The following CTNNA2 variants were observed in gnomAD, a reference collection of about 807,000 sequenced individuals.
CTNNA2 encodes catenin alpha 2.
A neutral mutation model predicts 101.0 loss-of-function variants in CTNNA2; 42 were observed. That is an observed-to-expected ratio of 0.42 (90% CI 0.32 to 0.54). CTNNA2 has a LOEUF of 0.54. Ranked by LOEUF, CTNNA2 falls within the 20% of genes least tolerant of loss-of-function variation. The probability of loss-of-function intolerance (pLI) is 0.14; values close to 1 mark genes in which losing one functional copy is unlikely to be tolerated. For synonymous variants in CTNNA2, 450 were observed against 456.4 expected, an observed-to-expected ratio of 0.99 and a Z score of 0.18; for missense variants, 871 against 1,223.1, an observed-to-expected ratio of 0.71 and a Z score of 4.29.
In CTNNA2 at chr2:80,536,602, A is replaced by G. The variant is rs76211827; in HGVS notation, c.1291-8380A>G. Reference sequence around the variant, plus strand: ...CACAAATATTAAAAAATGTAATTTGATTTCCGAGGCCAGAAAAAGGGAAAA... The same window carrying G: ...CACAAATATTAAAAAATGTAATTTGGTTTCCGAGGCCAGAAAAAGGGAAAA... On this transcript the variant is annotated intron_variant, in intron 9 of 18. Coordinates refer to ENST00000402739, the MANE Select transcript of CTNNA2 (RefSeq NM_001282597.3). Among the ~76,000 whole-genome samples the G allele has an allele frequency of 5.3e-3, 808 of 152,310 alleles. 6 individuals are homozygous for G. The highest frequency in any genetic ancestry group is 0.018 in the African/African-American group (765 of 41,570).
chr2:80,413,192 C>A (rs1227893760), intron 8 of CTNNA2, among the ~76,000 whole-genome samples: 3 of 152,102 alleles, frequency 2.0e-5, no homozygotes, highest in African/African-American at 7.2e-5. Flanking sequence ...ATAAGTGTTG[C>A]TAATGATGAC....
chr2:79,589,391 C>T (rs1049743072), intron 1 of CTNNA2, among the ~76,000 whole-genome samples: 1 of 152,082 alleles, frequency 6.6e-6, no homozygotes, highest in Non-Finnish European at 1.5e-5. Context: ...TTACAATACC[C>T]ACTGGCTTAT....
intron 7 of CTNNA2, among the ~76,000 whole-genome samples, chr2:79,991,852 T>C (rs990276588): frequency 3.9e-5 from 6 of 152,164 alleles, no homozygotes; most frequent in Non-Finnish European, 7.4e-5. Context: ...GTCTGCTTGT[T>C]GATTACGACT....
chr2:79,753,565 G>C (rs1672187351), intron 3 of CTNNA2, among the ~76,000 whole-genome samples: 1 of 152,112 alleles, frequency 6.6e-6, no homozygotes, highest in Non-Finnish European at 1.5e-5. Context: ...ATTGCCCACT[G>C]TCTGTCTGAG....
At chr2:80,620,329 A>C (rs1573478159) in intron 18 of CTNNA2, among the ~76,000 whole-genome samples, 1 of 91,766 alleles carries the variant, frequency 1.1e-5, no homozygotes, top group Non-Finnish European at 1.9e-5. Flanking sequence ...GTTTCGGTTT[A>C]AAAATGAAGA....
Position 80,215,578 on chromosome 2 carries a change from A to G in CTNNA2, c.1057-177633A>G, listed in dbSNP as rs141528128. On this transcript the variant is annotated intron_variant, in intron 7 of 18. Transcript: ENST00000402739. ...ACCAGCTGAGGCTGCAGAACAGCAA[A>G]TATTGCAGAATGGCAAATGTTGCTG... Among the ~76,000 whole-genome samples the G allele has an allele frequency of 4.6e-3, 698 of 152,288 alleles. 4 individuals are homozygous for G. The highest frequency in any genetic ancestry group is 0.016 in the African/African-American group (658 of 41,564).
intron 7 of CTNNA2, among the ~76,000 whole-genome samples, chr2:80,081,559 T>C (rs1414966746): frequency 7.3e-6 from 1 of 136,322 alleles, no homozygotes; most frequent in African/African-American, 2.7e-5. Flanking sequence ...AATCTCAAAC[T>C]CCAATGAACT....
At chr2:79,734,220 T>A (rs1310275898) in intron 2 of CTNNA2, among the ~76,000 whole-genome samples, 1 of 152,138 alleles carries the variant, frequency 6.6e-6, no homozygotes, top group Non-Finnish European at 1.5e-5. Flanking sequence ...TCAGTGAATA[T>A]CTGGCATTAT....
chr2:80,516,552 T>C (rs1170010511), intron 9 of CTNNA2, among the ~76,000 whole-genome samples: 2 of 152,190 alleles, frequency 1.3e-5, no homozygotes, highest in African/African-American at 4.8e-5. Context: ...TTTTCAAACA[T>C]GGTTAAGCAC....
At chr2:79,765,403 T>A (rs913002665) in intron 3 of CTNNA2, among the ~76,000 whole-genome samples, 1 of 152,196 alleles carries the variant, frequency 6.6e-6, no homozygotes, top group African/African-American at 2.4e-5. Context: ...TTACAAATAT[T>A]CCAAGTAGTT....
chr2:79,479,816 C>T (rs771035639), intron 4 of CTNNA2, among the ~76,000 whole-genome samples: 67 of 151,796 alleles, frequency 4.4e-4, no homozygotes, highest in Admixed American at 2.3e-3. Flanking sequence ...TCAGCTACTC[C>T]GGAGGCTGAG....
chr2:79,671,055 A>G (rs879598362), intron 2 of CTNNA2, among the ~76,000 whole-genome samples: 4 of 152,240 alleles, frequency 2.6e-5, no homozygotes. Flanking sequence ...TTAACTGCCT[A>G]CAGCACAGAC....
chr2:79,431,061 A>G (rs1371879618), intron 4 of CTNNA2, among the ~76,000 whole-genome samples: 2 of 152,100 alleles, frequency 1.3e-5, no homozygotes, highest in African/African-American at 4.8e-5. Flanking sequence ...TTGTCCCCAT[A>G]CAGGAAACTA....
intron 2 of CTNNA2, among the ~76,000 whole-genome samples, chr2:79,658,857 G>A (rs1029106788): frequency 6.6e-6 from 1 of 151,810 alleles, no homozygotes; most frequent in Admixed American, 6.6e-5. Context: ...TGTTCGTGGG[G>A]CCCTGTGAAA....
At chr2:80,008,282 C>A (rs1381377841) in intron 7 of CTNNA2, among the ~76,000 whole-genome samples, 2 of 152,242 alleles carry the variant, frequency 1.3e-5, no homozygotes, top group Non-Finnish European at 2.9e-5. Flanking sequence ...GTTTCCTTAT[C>A]GCTCCCGCAG....
rs567043069 is a variant in CTNNA2 at position 79,359,788 on chromosome 2, G to T, written c.-317-14043G>T. 3.7e-4 allele frequency among the ~76,000 whole-genome samples: 55 copies of T among 149,830 alleles called. No homozygotes were observed. The South Asian group carries it at 0.011, about 30-fold the overall frequency. On this transcript the variant is annotated intron_variant, in intron 3 of 21. Coordinates refer to the CTNNA2 transcript ENST00000466387. ...CTAGAGCTCTTGACTCAGTCTGAAG[G>T]TTTTTTTTTTCTGTAATACTACTTA...
At chr2:79,762,327 A>T (rs1672847241) in intron 3 of CTNNA2, among the ~76,000 whole-genome samples, 1 of 152,170 alleles carries the variant, frequency 6.6e-6, no homozygotes, top group Non-Finnish European at 1.5e-5. Flanking sequence ...ACGGAAAACA[A>T]GGCAAGATAC....
In CTNNA2 at chr2:80,135,354, A is replaced by T. The variant is rs369554951; in HGVS notation, c.1056+225557A>T. 8.5e-5 allele frequency among the ~76,000 whole-genome samples: 13 copies of T among 152,184 alleles called. No homozygotes were observed. The East Asian group carries it at 9.7e-4, about 11-fold the overall frequency. ...GCAGGCCTGAAACTCATGGGGAGCA[A>T]TCTAGAGACAAAGGAAGGAGGGCTC... On this transcript the variant is annotated intron_variant, in intron 7 of 18. Coordinates refer to ENST00000402739, the MANE Select transcript of CTNNA2 (RefSeq NM_001282597.3).
At chr2:79,435,278 G>A (rs1678701400) in intron 4 of CTNNA2, among the ~76,000 whole-genome samples, 1 of 152,162 alleles carries the variant, frequency 6.6e-6, no homozygotes, top group African/African-American at 2.4e-5. Flanking sequence ...AATAGTAGTG[G>A]TGTTAAGGAA....
Sources: gnomAD v4.1 joint callset for allele counts (sites outside exome capture counted in the v4.1 genomes callset) on GRCh38, gnomAD v4.1.1 for gene constraint, MANE v1.5 for transcripts, NCBI Gene and HGNC (gene_info 2026-07-23, HGNC 2026-07-21) for gene names.